The following ACTN1 variants were observed in gnomAD, a reference collection of about 807,000 sequenced individuals.
The protein encoded by ACTN1 is alpha-actinin-1.
ACTN1 carries 30 observed loss-of-function variants against 119.6 expected under a neutral mutation model. That is an observed-to-expected ratio of 0.25 (90% confidence interval 0.19 to 0.34). The LOEUF (loss-of-function observed/expected upper bound fraction) is 0.34, where lower values mean the gene tolerates loss of function less well. ACTN1 is among the 10% of genes least tolerant of loss of function. The probability of loss-of-function intolerance (pLI) is 1.00; values close to 1 mark genes in which losing one functional copy is unlikely to be tolerated. For missense variants in ACTN1, 764 were observed against 1,223.4 expected, an observed-to-expected ratio of 0.62 and a Z score of 5.60; for synonymous variants, 429 against 472.6, an observed-to-expected ratio of 0.91 and a Z score of 1.20.
chr14:68,883,419 A>T, intron 14 of ACTN1: 1 of 205,300 alleles, frequency 4.9e-6, no homozygotes, highest in Non-Finnish European at 1.0e-5. Flanking sequence ...AACTGCATGA[A>T]AGATTGAGGA....
intron 6 of ACTN1, among the ~76,000 whole-genome samples, chr14:68,906,074 G>GA (rs373399251): frequency 0.015 from 2,345 of 152,056 alleles, 59 homozygotes; most frequent in Non-Finnish European, 0.017. Context: ...AGAGGCCGGG[G>GA]GGGCAGGAAA....
chr14:68,907,496 G>A (rs1286390571), intron 6 of ACTN1, among the ~76,000 whole-genome samples: 2 of 152,018 alleles, frequency 1.3e-5, no homozygotes, highest in Non-Finnish European at 2.9e-5. Context: ...CCCAGGAGGC[G>A]GAGGTTGCAG....
In ACTN1 at chr14:68,877,144, T is replaced by C. The variant is rs762071903; in HGVS notation, c.2524A>G (p.Thr842Ala). 1 of 1,614,154 alleles carries C rather than the reference T, an allele frequency of 6.2e-7. No homozygotes were observed. Among genetic ancestry groups the C allele is most frequent in the Non-Finnish European group, 8.5e-7 (1 of 1,180,028 alleles). Reference protein sequence around the residue: ...QAFIDFMSRETADTDTADQVM... With the variant: ...QAFIDFMSREAADTDTADQVM... ...TGGTCTGCTGTATCTGTGTCGGCTGTCTCGCGGGACATGAAGTCAATGAAG... is the reference window on the plus strand; with the variant it reads ...TGGTCTGCTGTATCTGTGTCGGCTGCCTCGCGGGACATGAAGTCAATGAAG... Residue 842 changes from threonine (T) to alanine (A), a missense_variant, in exon 21 of 22, where the codon ACA becomes GCA. By Grantham distance (58) the Thr-to-Ala change is moderately conservative. Around this residue, in one of 4 missense-constraint regions of ACTN1, gnomAD observed 544 missense variants for 912.0 expected, o/e 0.60. Transcript: ENST00000394419.
In ACTN1 at chr14:68,898,956, TCCACACACACACA is replaced by T. The variant is rs1304347844; in HGVS notation, c.762+3508_762+3520del. Among the ~76,000 whole-genome samples the T allele has an allele frequency of 1.3e-4, 17 of 128,382 alleles. No individual in the cohort carries two copies. In the East Asian group the frequency reaches 4.2e-3, roughly 31 times the overall value. The allele number at this position is 128,382 out of a possible 152,430, so 84.2% of individuals were successfully genotyped here. ...CCACACCCACAGCACTCCCCTTCAC[TCCACACACACACA>T]CCACACACGCCACACCTCACACCAC... On this transcript the variant is annotated intron_variant, in intron 8 of 21. Transcript: ENST00000394419.
chr14:68,925,318 C>CTTT lies in ACTN1; in HGVS notation c.220+237_220+239dup, dbSNP rs36108835. On this transcript the variant is annotated intron_variant, in intron 2 of 21. Coordinates refer to ENST00000394419, the MANE Select transcript of ACTN1 (RefSeq NM_001130004.2). This position sits in a 1 kb window ranked among gnomAD's most constrained non-coding sequence, Gnocchi z 4.3. ...GAAGGAACCTCAGTTCCTTCAAACC[C>CTTT]TTTTTTTTTTTTTTTTTTTTTTTAA... is the stretch of plus-strand genomic sequence containing the variant. Among the ~76,000 whole-genome samples the CTTT allele has an allele frequency of 2.5e-3, 299 of 121,076 alleles. No homozygotes were observed. The highest frequency in any genetic ancestry group is 0.021 in the East Asian group (61 of 2,972). The allele number at this position is 121,076 out of a possible 152,430, so 79.4% of individuals were successfully genotyped here. A position where few individuals can be genotyped will look rare whatever the true frequency, so the allele number is the denominator to read the frequency against.
At position 68,979,171 on chromosome 14, in the gene ACTN1, G is replaced by T; in HGVS notation, c.-115C>A. Reference sequence around the variant, plus strand: ...TGGGCTGGGCTGGGCTGGCGGGGCCGGGCTCGCTCCCCTGCGCCCGGTTCC... The same window carrying T: ...TGGGCTGGGCTGGGCTGGCGGGGCCTGGCTCGCTCCCCTGCGCCCGGTTCC... On this transcript the variant is annotated 5_prime_UTR_variant, in exon 1 of 22. Transcript: ENST00000394419. The T allele has an allele frequency of 1.6e-6, 1 of 616,654 alleles. No homozygotes were observed. Among genetic ancestry groups the T allele is most frequent in the Admixed American group, 3.3e-5 (1 of 30,350 alleles). The allele number at this position is 616,654 out of a possible 1,614,324, so 38.2% of individuals were successfully genotyped here.
chr14:68,919,241 C>A (rs2034506654), intron 3 of ACTN1, among the ~76,000 whole-genome samples: 1 of 152,228 alleles, frequency 6.6e-6, no homozygotes, highest in Admixed American at 6.5e-5. Context: ...CTTCTTACAT[C>A]CACAAGGTGC....
intron 1 of ACTN1, among the ~76,000 whole-genome samples, chr14:68,951,471 A>G (rs559274896): frequency 1.3e-4 from 20 of 152,150 alleles, no homozygotes; most frequent in Non-Finnish European, 5.9e-5. Context: ...TCTAACCTCA[A>G]CTCCCAACAT....
intron 6 of ACTN1, among the ~76,000 whole-genome samples, chr14:68,905,876 G>A (rs1308286034): frequency 3.3e-5 from 5 of 151,874 alleles, no homozygotes; most frequent in Non-Finnish European, 7.4e-5. Context: ...CCAGCTACTC[G>A]GGAGGCTGGG....
At chr14:68,883,261 C>A in intron 14 of ACTN1, 1 of 590,240 alleles carries the variant, frequency 1.7e-6, no homozygotes, top group East Asian at 2.8e-5. Context: ...ATCCTTAGGG[C>A]TGGTCAAATT....
At chr14:68,974,869 G>C (rs1046663476) in intron 1 of ACTN1, among the ~76,000 whole-genome samples, 2 of 152,200 alleles carry the variant, frequency 1.3e-5, no homozygotes, top group African/African-American at 4.8e-5. Context: ...ACCCGACATA[G>C]CACATCTGTG....
At chr14:68,969,855 C>T (rs1272910820) in intron 1 of ACTN1, among the ~76,000 whole-genome samples, 4 of 152,168 alleles carry the variant, frequency 2.6e-5, no homozygotes, top group Admixed American at 2.6e-4. Context: ...CCCCTCCCAC[C>T]CACATGCAAG....
rs765483044 is a variant in ACTN1, at chr14:68,874,802, G to A, written c.*57C>T. ...CGAACCCAGGCAGGAGATGGGCGAC[G>A]GCGGAGGTGCAAGGCAGGGCACGGC... On this transcript the variant is annotated 3_prime_UTR_variant, in exon 22 of 22. Transcript: ENST00000394419. 52 of 1,451,490 alleles carry A rather than the reference G, an allele frequency of 3.6e-5. No individual in the cohort carries two copies. The highest frequency in any genetic ancestry group is 4.5e-5 in the Non-Finnish European group (49 of 1,096,294). 89.9% of individuals were successfully genotyped at this position (1,451,490 alleles called of 1,614,324 possible). A position where few individuals can be genotyped will look rare whatever the true frequency, so the allele number is the denominator to read the frequency against.
intron 1 of ACTN1, among the ~76,000 whole-genome samples, chr14:68,952,600 A>G (rs1183463649): frequency 8.8e-6 from 1 of 113,482 alleles, no homozygotes; most frequent in Non-Finnish European, 1.8e-5. Context: ...CATCCCGCCC[A>G]CCCCCCATCC....
At chr14:68,884,749 C>G (rs370877688) in intron 13 of ACTN1, 26 bp downstream of exon 13, 1 of 1,575,076 alleles carries the variant, frequency 6.3e-7, no homozygotes, top group East Asian at 2.2e-5. Flanking sequence ...GGATATGGGC[C>G]TAGATCTCCC....
rs2031428423 is a variant in ACTN1 at position 68,880,754 on chromosome 14, G to T, written c.2133+56C>A. 3 of 1,574,290 alleles carry T rather than the reference G, an allele frequency of 1.9e-6. No individual in the cohort carries two copies. Among genetic ancestry groups the T allele is most frequent in the Non-Finnish European group, 1.7e-6 (2 of 1,150,888 alleles). On this transcript the variant is annotated intron_variant, in intron 17 of 21. Coordinates refer to ENST00000394419, the MANE Select transcript of ACTN1 (RefSeq NM_001130004.2). The surrounding 1 kb of genome is among the most constrained non-coding windows in gnomAD (Gnocchi z 4.6). The stretch of plus-strand genomic sequence containing the variant: ...CCCTTGGAGACTTCCCCACCCAGGA[G>T]AAAGAGCAGAAGGGGCCACGGGCTC...
At chr14:68,942,996 G>A (rs2035815018) in intron 1 of ACTN1, among the ~76,000 whole-genome samples, 1 of 152,204 alleles carries the variant, frequency 6.6e-6, no homozygotes, top group Admixed American at 6.5e-5. Context: ...CTGAGGTTCC[G>A]CAACACAAAG....
Position 68,946,542 on chromosome 14 carries a change from C to T in ACTN1, c.106-20870G>A, listed in dbSNP as rs368314725. On this transcript the variant is annotated intron_variant, in intron 1 of 21. Coordinates refer to ENST00000394419, the MANE Select transcript of ACTN1 (RefSeq NM_001130004.2). ...CCTACCCACAGGACTTCCAGGACTC[C>T]ACCAGCAGCCCTGAGGAGGAGTCCC... Among the ~76,000 whole-genome samples the T allele has an allele frequency of 7.5e-3, 1,136 of 152,316 alleles. 22 individuals carry two copies. Among genetic ancestry groups the T allele is most frequent in the African/African-American group, 0.026 (1,081 of 41,560 alleles).
chr14:68,920,975 G>T, intron 3 of ACTN1, 31 bp downstream of exon 3: 1 of 1,610,358 alleles, frequency 6.2e-7, no homozygotes, highest in Non-Finnish European at 8.5e-7. Flanking sequence ...AGAAAATCAG[G>T]CTCCTTGGGG....
Sources: gnomAD v4.1 joint callset for allele counts (sites outside exome capture counted in the v4.1 genomes callset) on GRCh38, gnomAD v4.1.1 for gene constraint, gnomAD v4.1.1 regional missense constraint, Gnocchi (gnomAD v3.1) non-coding constraint, MANE v1.5 for transcripts, NCBI Gene and HGNC (gene_info 2026-07-23, HGNC 2026-07-21) for gene names.